Variants in TRPS1 observed in about 807,000 individuals in gnomAD.
The protein encoded by TRPS1 is zinc finger transcription factor Trps1.
A neutral mutation model predicts 101.2 loss-of-function variants in TRPS1; 6 were observed. The observed-to-expected ratio is 0.06, with a 90% CI of 0.03 to 0.12. The LOEUF (loss-of-function observed/expected upper bound fraction) is 0.12. Ranked by LOEUF, TRPS1 falls within the 10% of genes least tolerant of loss-of-function variation. The pLI is 1.00. For synonymous variants in TRPS1, 578 were observed against 589.8 expected (o/e 0.98, Z 0.29); for missense variants, 1,363 against 1,567.0 (o/e 0.87, Z 2.20).
At chr8:115,531,839 C>T (rs762235769) in intron 5 of TRPS1, among the ~76,000 whole-genome samples, 1 of 151,984 alleles carries the variant, frequency 6.6e-6, no homozygotes, top group Non-Finnish European at 1.5e-5. Context: ...AACAGGGAAT[C>T]CAGAGCATGA....
At chr8:115,542,902 G>T (rs1183718123) in intron 5 of TRPS1, among the ~76,000 whole-genome samples, 1 of 152,054 alleles carries the variant, frequency 6.6e-6, no homozygotes, top group Non-Finnish European at 1.5e-5. Flanking sequence ...GTTCCATGAG[G>T]GAAAAGCACA....
chr8:115,422,199 A>AT (rs952239647), intron 5 of TRPS1, among the ~76,000 whole-genome samples: 8 of 150,314 alleles, frequency 5.3e-5, no homozygotes, highest in Admixed American at 5.3e-4. Flanking sequence ...TTCTATCGTT[A>AT]TTTTTAGAAA....
At chr8:115,468,772 T>C (rs1342209555) in intron 5 of TRPS1, among the ~76,000 whole-genome samples, 2 of 152,202 alleles carry the variant, frequency 1.3e-5, no homozygotes, top group Non-Finnish European at 2.9e-5. Flanking sequence ...CAGGAAGCAA[T>C]TATAAGCTAC....
intron 5 of TRPS1, among the ~76,000 whole-genome samples, chr8:115,507,048 G>A (rs1451509457): frequency 6.6e-6 from 1 of 152,058 alleles, no homozygotes; most frequent in African/African-American, 2.4e-5. Flanking sequence ...GCAGAAACTT[G>A]AGCTGAAAAC....
At chr8:115,655,159 T>C (rs1811650191) in intron 1 of TRPS1, among the ~76,000 whole-genome samples, 1 of 152,230 alleles carries the variant, frequency 6.6e-6, no homozygotes, top group Non-Finnish European at 1.5e-5. Context: ...AAGTCCGTTC[T>C]GTCACTCAGA....
intron 6 of TRPS1, among the ~76,000 whole-genome samples, chr8:115,417,513 G>A (rs936607500): frequency 1.3e-5 from 2 of 152,012 alleles, no homozygotes; most frequent in Non-Finnish European, 2.9e-5. Flanking sequence ...AATGGGGGAT[G>A]CCTATTTTAA....
intron 5 of TRPS1, among the ~76,000 whole-genome samples, chr8:115,545,384 C>T (rs898187419): frequency 4.6e-5 from 7 of 152,148 alleles, no homozygotes; most frequent in South Asian, 2.1e-4. Context: ...TGGTGGAAGA[C>T]GTCAAGTTTA....
At chr8:115,623,250 AT>A (rs1320911666) in intron 2 of TRPS1, among the ~76,000 whole-genome samples, 1 of 151,858 alleles carries the variant, frequency 6.6e-6, no homozygotes, top group African/African-American at 2.4e-5. Context: ...CTGAAAGGTC[AT>A]TTGGGTTTTA....
At chr8:115,416,879 A>G (rs1440490415) in intron 6 of TRPS1, among the ~76,000 whole-genome samples, 3 of 152,156 alleles carry the variant, frequency 2.0e-5, no homozygotes, top group Non-Finnish European at 4.4e-5. Context: ...TTATAAACAT[A>G]TGCATTATTT....
chr8:115,519,920 C>T (rs1233749264), intron 5 of TRPS1, among the ~76,000 whole-genome samples: 2 of 151,564 alleles, frequency 1.3e-5, no homozygotes, highest in African/African-American at 4.8e-5. Flanking sequence ...TCAAGAAATG[C>T]TTTTTGTAAA....
intron 5 of TRPS1, among the ~76,000 whole-genome samples, chr8:115,563,030 C>G (rs759404248): frequency 4.0e-5 from 6 of 151,806 alleles, no homozygotes; most frequent in Non-Finnish European, 8.8e-5. Context: ...AAATGCAAAG[C>G]AACCAGCCTC....
intron 1 of TRPS1, among the ~76,000 whole-genome samples, chr8:115,660,655 T>A (rs1056607640): frequency 6.6e-6 from 1 of 151,934 alleles, no homozygotes; most frequent in East Asian, 1.9e-4. Flanking sequence ...TAAATACTTG[T>A]ATATTTCCTT....
At chr8:115,462,187 C>A (rs1296038248) in intron 5 of TRPS1, among the ~76,000 whole-genome samples, 1 of 152,180 alleles carries the variant, frequency 6.6e-6, no homozygotes, top group Non-Finnish European at 1.5e-5. Context: ...AACTGGCTCT[C>A]AAGGAACAAG....
At chr8:115,523,275 T>C (rs1815912473) in intron 5 of TRPS1, among the ~76,000 whole-genome samples, 1 of 152,136 alleles carries the variant, frequency 6.6e-6, no homozygotes, top group South Asian at 2.1e-4. Context: ...AGGTTTCAGG[T>C]AGTTTCATAA....
chr8:115,535,236 CATATATAGCATATATAGCAT>C (rs201187814), intron 5 of TRPS1, among the ~76,000 whole-genome samples: 2,298 of 117,552 alleles, frequency 0.02, 133 homozygotes, highest in Middle Eastern at 0.028. Context: ...ATATATATAG[CATATATAGCATATATAGCAT>C]ATATATAGCA....
Position 115,522,446 on chromosome 8 carries a change from A to G in TRPS1, c.2700+64555T>C, listed in dbSNP as rs1586360935. Among the ~76,000 whole-genome samples, 3 of 152,160 alleles carry G rather than the reference A, an allele frequency of 2.0e-5. 1 individual carries two copies. The highest frequency in any genetic ancestry group is 6.8e-3 in the Middle Eastern group (2 of 294). ...AACTAAGTTATGGATTATGTTCTTCATTTGTCAAGTGGAAATTTTTTAAAA... is the reference window on the plus strand; with the variant it reads ...AACTAAGTTATGGATTATGTTCTTCGTTTGTCAAGTGGAAATTTTTTAAAA... On this transcript the variant is annotated intron_variant, in intron 5 of 6. Coordinates refer to ENST00000395715, the MANE Select transcript of TRPS1 (RefSeq NM_014112.5).
chr8:115,650,623 A>T (rs1269571199), intron 1 of TRPS1, among the ~76,000 whole-genome samples: 2 of 152,234 alleles, frequency 1.3e-5, no homozygotes, highest in African/African-American at 4.8e-5. Flanking sequence ...AAACTTCAAA[A>T]TTGTTCCCAG....
intron 5 of TRPS1, among the ~76,000 whole-genome samples, chr8:115,568,757 T>C (rs985232358): frequency 5.9e-5 from 9 of 152,086 alleles, no homozygotes; most frequent in African/African-American, 1.7e-4. Flanking sequence ...TATCAGCAAA[T>C]ACACTTCTTT....
At chr8:115,538,822 T>C (rs1816383751) in intron 5 of TRPS1, among the ~76,000 whole-genome samples, 1 of 152,186 alleles carries the variant, frequency 6.6e-6, no homozygotes, top group South Asian at 2.1e-4. Context: ...TGTAAATAAC[T>C]TGTTAATGAC....
Sources: allele counts gnomAD v4.1 joint callset (sites outside exome capture counted in the v4.1 genomes callset), GRCh38; gene constraint gnomAD v4.1.1; transcripts MANE v1.5; gene names NCBI Gene and HGNC (gene_info 2026-07-23, HGNC 2026-07-21).